Variants in EIF4E2 observed in about 807,000 individuals in gnomAD.
EIF4E2 encodes eukaryotic translation initiation factor 4E family member 2, also known as eukaryotic translation initiation factor 4E type 2.
Under a neutral mutation model 34.2 loss-of-function variants are expected in EIF4E2, and 13 were observed. The ratio of observed to expected loss-of-function variants is 0.38; its 90% confidence interval spans 0.25 to 0.60. The LOEUF is 0.60. Among genes scored for constraint, EIF4E2 ranks in the 20% least tolerant of loss-of-function variants. The pLI is 0.62. For missense variants in EIF4E2, 222 were observed against 315.1 expected (o/e 0.70, Z 2.24); for synonymous variants, 100 against 106.6 (o/e 0.94, Z 0.38).
chr2:232,560,838 G>A (rs138477867), intron 3 of EIF4E2, among the ~76,000 whole-genome samples: 2 of 152,170 alleles, frequency 1.3e-5, no homozygotes, highest in South Asian at 2.1e-4. Flanking sequence ...GTTTGCCAGT[G>A]CTATCTTAGA....
downstream of EIF4E2, chr2:232,569,815 GC>G (rs1187545698): frequency 6.6e-6 from 1 of 152,160 alleles, no homozygotes; most frequent in African/African-American, 2.4e-5. Flanking sequence ...TTTCTCCTGG[GC>G]CCGGTGTTAC....
At chr2:232,580,872 A>G (rs757826313) in intron 6 of EIF4E2, 6 of 1,535,286 alleles carry the variant, frequency 3.9e-6, no homozygotes, top group Admixed American at 2.0e-5. Flanking sequence ...CTTGTATTGA[A>G]CACTCTATTT....
At chr2:232,576,036 T>G (rs892926125) in intron 6 of EIF4E2, among the ~76,000 whole-genome samples, 1 of 152,092 alleles carries the variant, frequency 6.6e-6, no homozygotes, top group Non-Finnish European at 1.5e-5. Context: ...AAACCCCGTC[T>G]CTACTAAAAA....
chr2:232,556,661 A>C (rs2106236838), intron 2 of EIF4E2, 131 bp downstream of exon 2: 1 of 681,408 alleles, frequency 1.5e-6, no homozygotes, highest in African/African-American at 1.8e-5. Flanking sequence ...CTTTGTTCTC[A>C]GAAAAACATT....
intron 6 of EIF4E2, 149 bp from the exon 7 acceptor site, chr2:232,568,796 C>T (rs553178376): frequency 5.4e-5 from 79 of 1,459,832 alleles, no homozygotes; most frequent in Admixed American, 4.0e-4. Context: ...CTGCTGCTCT[C>T]TGCTTTATCC....
chr2:232,560,783 A>G (rs992432367), intron 3 of EIF4E2, among the ~76,000 whole-genome samples: 4 of 152,244 alleles, frequency 2.6e-5, no homozygotes, highest in Non-Finnish European at 5.9e-5. Flanking sequence ...CATCATTACT[A>G]TGCTGAGCTG....
chr2:232,550,831 C>G, intron 1 of EIF4E2, 87 bp downstream of exon 1: 1 of 1,292,256 alleles, frequency 7.7e-7, no homozygotes, highest in Non-Finnish European at 1.1e-6. Context: ...GGCGCAAACC[C>G]TGCGGCACCG....
rs140752025 is a variant in EIF4E2, at chr2:232,566,770, C to A, written c.376-59C>A. 865 of 1,596,712 alleles carry A rather than the reference C, an allele frequency of 5.4e-4. 3 individuals are homozygous for A. In the African/African-American group the frequency reaches 0.01, roughly 19 times the overall value. On this transcript the variant is annotated intron_variant, in intron 4 of 6. Transcript: ENST00000258416. The surrounding 1 kb of genome is among the most constrained non-coding windows in gnomAD (Gnocchi z 4.9). ...GAGATTCTTGGCTTTTTACTGCCTTCATACAAAAAAAGGCTGTGAAACCAT... is the reference window on the plus strand; with the variant it reads ...GAGATTCTTGGCTTTTTACTGCCTTAATACAAAAAAAGGCTGTGAAACCAT...
At chr2:232,565,788 G>C (rs1692902234) in intron 4 of EIF4E2, among the ~76,000 whole-genome samples, 1 of 152,130 alleles carries the variant, frequency 6.6e-6, no homozygotes, top group East Asian at 1.9e-4. Context: ...TACTGGACTG[G>C]ATCTGAGTAG....
intron 6 of EIF4E2, chr2:232,568,697 C>T: frequency 2.0e-6 from 2 of 985,418 alleles, no homozygotes; most frequent in Non-Finnish European, 2.4e-6. Context: ...GGCAGTTCTT[C>T]GTGACTTTTA....
In EIF4E2 at chr2:232,555,815, G is replaced by A. The variant is rs146561278; in HGVS notation, c.21-601G>A. ...ACATTTTGCTGTACTTTATCTTAGA[G>A]GGTAGGCATCAAAAAGCGAGGGACA... is the stretch of plus-strand genomic sequence containing the variant. On this transcript the variant is annotated intron_variant, in intron 1 of 6. Coordinates refer to ENST00000258416, the MANE Select transcript of EIF4E2 (RefSeq NM_004846.4). 1.0e-3 allele frequency among the ~76,000 whole-genome samples: 155 copies of A among 152,334 alleles called. 1 individual carries two copies. In the South Asian group the frequency reaches 0.021, roughly 21 times the overall value.
At chr2:232,556,766 G>A (rs1450935571) in intron 2 of EIF4E2, among the ~76,000 whole-genome samples, 1 of 152,210 alleles carries the variant, frequency 6.6e-6, no homozygotes, top group Non-Finnish European at 1.5e-5. Flanking sequence ...CCTAGCCTGA[G>A]ATGGAGATTA....
intron 3 of EIF4E2, among the ~76,000 whole-genome samples, chr2:232,558,994 C>G (rs1692621078): frequency 6.6e-6 from 1 of 150,748 alleles, no homozygotes; most frequent in Admixed American, 6.8e-5. Flanking sequence ...GCTGTACATT[C>G]AATCTCTGGG....
chr2:232,564,120 T>A, intron 3 of EIF4E2, 127 bp from the exon 4 acceptor site: 1 of 483,462 alleles, frequency 2.1e-6, no homozygotes, highest in Non-Finnish European at 3.6e-6. Context: ...AAATGAGTCC[T>A]CTGAAAAGGA....
rs934056359 is a variant in EIF4E2 at position 232,566,260 on chromosome 2, C to G, written c.376-569C>G. Among the ~76,000 whole-genome samples, 6 of 152,252 alleles carry G rather than the reference C, an allele frequency of 3.9e-5. No homozygotes were observed. The highest frequency in any genetic ancestry group is 1.4e-4 in the African/African-American group (6 of 41,522). ...GGAGTGCAGTGGCACGATCTCGGCT[C>G]CCTGCAAGCTCTGCCTCCCGAGTTC... On this transcript the variant is annotated intron_variant, in intron 4 of 6. Transcript: ENST00000258416. The surrounding 1 kb of genome is among the most constrained non-coding windows in gnomAD (Gnocchi z 4.9).
exon 7 of EIF4E2, chr2:232,580,956 T>C (rs1391598547): frequency 6.5e-7 from 1 of 1,550,226 alleles, no homozygotes; most frequent in East Asian, 2.4e-5. Flanking sequence ...GTACACAAGC[T>C]GGCAATAATC....
At chr2:232,580,496 C>T (rs899304468) in intron 6 of EIF4E2, among the ~76,000 whole-genome samples, 1 of 152,190 alleles carries the variant, frequency 6.6e-6, no homozygotes, top group Non-Finnish European at 1.5e-5. Flanking sequence ...CAAGTATGAA[C>T]CTATAACCTT....
intron 3 of EIF4E2, among the ~76,000 whole-genome samples, chr2:232,562,306 C>T (rs573145799): frequency 7.2e-5 from 11 of 152,122 alleles, no homozygotes; most frequent in Middle Eastern, 3.4e-3. Context: ...TGGGGCTGGG[C>T]GCGGTGGCTC....
At chr2:232,551,629 G>C (rs1574654112) in intron 1 of EIF4E2, among the ~76,000 whole-genome samples, 1 of 152,200 alleles carries the variant, frequency 6.6e-6, no homozygotes, top group Non-Finnish European at 1.5e-5. Flanking sequence ...TTAGTGGCTA[G>C]GACCCTGCTG....
Sources: gnomAD v4.1 joint callset for allele counts (sites outside exome capture counted in the v4.1 genomes callset) on GRCh38, gnomAD v4.1.1 for gene constraint, Gnocchi (gnomAD v3.1) non-coding constraint, MANE v1.5 for transcripts, NCBI Gene and HGNC (gene_info 2026-07-23, HGNC 2026-07-21) for gene names.